The following PLCB4 variants were observed in gnomAD, a reference collection of about 807,000 sequenced individuals.
PLCB4 encodes phospholipase C beta 4.
Under a neutral mutation model 178.8 loss-of-function variants are expected in PLCB4, and 77 were observed. The ratio of observed to expected loss-of-function variants is 0.43; its 90% CI spans 0.36 to 0.52. PLCB4 has a LOEUF of 0.52. PLCB4 is among the 20% of genes least tolerant of loss of function. PLCB4 has a pLI of 0.00. For synonymous variants in PLCB4, 496 were observed against 490.8 expected, an observed-to-expected ratio of 1.01 and a Z score of -0.14; for missense variants, 1,024 against 1,453.4, an observed-to-expected ratio of 0.70 and a Z score of 4.80.
chr20:9,299,095 A>G (rs995593548), intron 3 of PLCB4, among the ~76,000 whole-genome samples: 5 of 152,046 alleles, frequency 3.3e-5, no homozygotes, highest in Non-Finnish European at 7.4e-5. Context: ...GATCAGTCAT[A>G]ACTGGGATGT....
At chr20:9,207,919 A>G (rs1368330748) in intron 2 of PLCB4, among the ~76,000 whole-genome samples, 1 of 152,192 alleles carries the variant, frequency 6.6e-6, no homozygotes, top group African/African-American at 2.4e-5. Context: ...TCTTTTTTAA[A>G]GAGATTTTCA....
intron 3 of PLCB4, among the ~76,000 whole-genome samples, chr20:9,292,875 T>G (rs1450250914): frequency 6.6e-6 from 1 of 152,134 alleles, no homozygotes; most frequent in Non-Finnish European, 1.5e-5. Flanking sequence ...GGTCAGGAGT[T>G]TGAGACTAGC....
intron 1 of PLCB4, among the ~76,000 whole-genome samples, chr20:9,071,142 G>T (rs919610320): frequency 1.2e-4 from 18 of 152,118 alleles, no homozygotes; most frequent in African/African-American, 3.6e-4. Context: ...AGTGTTACAG[G>T]TTACCAAAAA....
At chr20:9,409,026 CT>C in intron 23 of PLCB4, 30 bp from the exon 24 acceptor site, 6 of 1,602,358 alleles carry the variant, frequency 3.7e-6, no homozygotes, top group African/African-American at 1.3e-5. Flanking sequence ...CTGTAGGACT[CT>C]TTTTTTCTGT....
intron 9 of PLCB4, among the ~76,000 whole-genome samples, chr20:9,366,396 C>CAAAAA (rs1198133351): frequency 3.2e-4 from 11 of 33,918 alleles, no homozygotes; most frequent in Middle Eastern, 0.012. Context: ...GACTCCATCT[C>CAAAAA]AAAAAAAAAA....
At chr20:9,318,229 A>G (rs1287464045) in intron 4 of PLCB4, among the ~76,000 whole-genome samples, 5 of 151,618 alleles carry the variant, frequency 3.3e-5, no homozygotes, top group Admixed American at 2.0e-4. Flanking sequence ...ATGAGTTAGT[A>G]TTCAAGTCAT....
intron 25 of PLCB4, among the ~76,000 whole-genome samples, chr20:9,415,086 A>G (rs2040151207): frequency 6.6e-6 from 1 of 152,252 alleles, no homozygotes; most frequent in African/African-American, 2.4e-5. Flanking sequence ...ATAATGGAAC[A>G]GTTATAACAA....
intron 2 of PLCB4, among the ~76,000 whole-genome samples, chr20:9,151,855 A>G (rs1172889001): frequency 6.6e-6 from 1 of 152,174 alleles, no homozygotes; most frequent in Non-Finnish European, 1.5e-5. Flanking sequence ...GGAACTTCCT[A>G]GAGACTTGTT....
intron 3 of PLCB4, among the ~76,000 whole-genome samples, chr20:9,224,223 T>C (rs568329278): frequency 2.0e-5 from 3 of 152,298 alleles, no homozygotes; most frequent in South Asian, 2.1e-4. Flanking sequence ...CCTGTACCCA[T>C]CTTGCTCTCT....
At chr20:9,304,283 A>C (rs183647313) in intron 3 of PLCB4, among the ~76,000 whole-genome samples, 68 of 151,276 alleles carry the variant, frequency 4.5e-4, no homozygotes, top group Admixed American at 4.3e-3. Context: ...GATGTTGTAC[A>C]CTCTCTGTCA....
intron 8 of PLCB4, among the ~76,000 whole-genome samples, 185 bp from the exon 9 acceptor site, chr20:9,365,276 A>G (rs192509828): frequency 2.1e-3 from 314 of 152,328 alleles, no homozygotes; most frequent in Middle Eastern, 0.017. Context: ...TTCAAGTTTA[A>G]CTGAGAGCTC....
intron 28 of PLCB4, among the ~76,000 whole-genome samples, chr20:9,433,446 A>G (rs1470129188): frequency 6.6e-6 from 1 of 152,218 alleles, no homozygotes; most frequent in Non-Finnish European, 1.5e-5. Flanking sequence ...AATTACGCCA[A>G]TTTTGTTGGA....
chr20:9,272,883 A>ATT (rs201282723), intron 3 of PLCB4, among the ~76,000 whole-genome samples: 25 of 131,876 alleles, frequency 1.9e-4, no homozygotes, highest in African/African-American at 3.0e-4. Context: ...GGTTACAGGG[A>ATT]TTTTTTTTTT....
At position 9,387,561 on chromosome 20, in the gene PLCB4, CT is replaced by C; in HGVS notation, c.1158+8del. On this transcript the variant is annotated splice_donor_region_variant and intron_variant, in intron 15 of 39. Transcript: ENST00000378473. ...TGTACAGATATCCTTTTTAAGGTAA[CT>C]TTAAAAATAATTACACAGACTTTTC... 3 of 1,382,882 alleles carry C rather than the reference CT, an allele frequency of 2.2e-6. No homozygotes were observed. The highest frequency in any genetic ancestry group is 1.4e-5 in the African/African-American group (1 of 69,888). The allele number at this position is 1,382,882 out of a possible 1,614,324, so 85.7% of individuals were successfully genotyped here.
At chr20:9,172,960 A>G (rs1014888959) in intron 2 of PLCB4, among the ~76,000 whole-genome samples, 1 of 152,200 alleles carries the variant, frequency 6.6e-6, no homozygotes, top group Non-Finnish European at 1.5e-5. Context: ...ATGACTCCAT[A>G]GTGCAGGTTG....
chr20:9,403,173 T>A (rs1416320215), intron 20 of PLCB4, among the ~76,000 whole-genome samples: 1 of 152,166 alleles, frequency 6.6e-6, no homozygotes, highest in Non-Finnish European at 1.5e-5. Context: ...ATTGTCATTA[T>A]CCTCATGATC....
intron 3 of PLCB4, among the ~76,000 whole-genome samples, chr20:9,217,813 T>A: frequency 6.6e-6 from 1 of 152,188 alleles, no homozygotes; most frequent in South Asian, 2.1e-4. Context: ...CCTGTGCAGA[T>A]TTTGCTTAAG....
intron 3 of PLCB4, among the ~76,000 whole-genome samples, chr20:9,305,472 C>A (rs1293192844): frequency 1.3e-5 from 2 of 152,034 alleles, no homozygotes; most frequent in African/African-American, 4.8e-5. Context: ...ACTTCACTGG[C>A]CACAACTCAT....
chr20:9,273,154 C>T (rs1484989534), intron 3 of PLCB4, among the ~76,000 whole-genome samples: 1 of 152,070 alleles, frequency 6.6e-6, no homozygotes, highest in Non-Finnish European at 1.5e-5. Context: ...CATAGACCTG[C>T]TTTTGCAAAG....
Sources: allele counts gnomAD v4.1 joint callset (sites outside exome capture counted in the v4.1 genomes callset), GRCh38; gene constraint gnomAD v4.1.1; transcripts MANE v1.5; gene names NCBI Gene and HGNC (gene_info 2026-07-23, HGNC 2026-07-21).